OSBPL3: variants seen among roughly 807,000 people sequenced by gnomAD.
OSBPL3 encodes the protein oxysterol-binding protein-related protein 3.
In OSBPL3, 65 loss-of-function variants were observed where a neutral mutation model predicts 120.1. That is an observed-to-expected ratio of 0.54 (90% CI 0.44 to 0.67). The LOEUF (loss-of-function observed/expected upper bound fraction) is 0.67, where lower values mean the gene tolerates loss of function less well. Ranked by LOEUF, OSBPL3 falls within the 30% of genes least tolerant of loss-of-function variation. The pLI, the probability that OSBPL3 is intolerant of heterozygous loss-of-function variation, is 0.00. For missense variants in OSBPL3, 1,004 were observed against 1,082.1 expected (o/e 0.93, Z 1.01); for synonymous variants, 416 against 402.6 (o/e 1.03, Z -0.40).
At chr7:24,973,123 T>C (rs1817211887) in intron 1 of OSBPL3, among the ~76,000 whole-genome samples, 1 of 152,236 alleles carries the variant, frequency 6.6e-6, no homozygotes, top group Admixed American at 6.5e-5. Context: ...GATTCTGCTC[T>C]GCTTTACATT....
intron 2 of OSBPL3, among the ~76,000 whole-genome samples, chr7:24,887,602 A>T (rs987529813): frequency 1.3e-5 from 2 of 152,232 alleles, no homozygotes; most frequent in African/African-American, 4.8e-5. Context: ...GAGAACTGAG[A>T]CAACCTACAC....
intron 2 of OSBPL3, among the ~76,000 whole-genome samples, chr7:24,876,303 T>G (rs1282300846): frequency 1.3e-5 from 2 of 152,224 alleles, no homozygotes; most frequent in Non-Finnish European, 2.9e-5. Flanking sequence ...TAGTTTGGTT[T>G]CTACCTCCTT....
intron 1 of OSBPL3, among the ~76,000 whole-genome samples, chr7:24,976,243 C>T (rs1009273685): frequency 1.3e-5 from 2 of 152,008 alleles, no homozygotes; most frequent in Non-Finnish European, 2.9e-5. Flanking sequence ...TGACAGCACC[C>T]GGCACATACA....
chr7:24,931,118 T>C (rs1490590851), intron 1 of OSBPL3, among the ~76,000 whole-genome samples: 1 of 152,088 alleles, frequency 6.6e-6, no homozygotes, highest in East Asian at 1.9e-4. Flanking sequence ...ATTTCTAGAA[T>C]AGGTCTTTTC....
rs1006239540 is a variant in OSBPL3, at chr7:24,972,505, C to T, written c.-150+7381G>A. Among the ~76,000 whole-genome samples, 1 of 152,216 alleles carries T rather than the reference C, an allele frequency of 6.6e-6. No homozygotes were observed. Among genetic ancestry groups the T allele is most frequent in the Non-Finnish European group, 1.5e-5 (1 of 68,040 alleles). Reference sequence around the variant, plus strand: ...CTCTGCAACTCTTTAATGTCTATATCCCCTTCTAGTCTGTAAGCTCCTTGA... The same window carrying T: ...CTCTGCAACTCTTTAATGTCTATATTCCCTTCTAGTCTGTAAGCTCCTTGA... On this transcript the variant is annotated intron_variant, in intron 1 of 22. Coordinates refer to ENST00000313367, the MANE Select transcript of OSBPL3 (RefSeq NM_015550.4). This position sits in a 1 kb window ranked among gnomAD's most constrained non-coding sequence, Gnocchi z 4.3.
At position 24,966,773 on chromosome 7, in the gene OSBPL3, T is replaced by C. The variant is rs1030820774; in HGVS notation, c.-150+13113A>G. ...GTTTATAAGGTAAAAGAACTGCTAG[T>C]ACAAACACAACGCCTCTCTAAAGAG... is the stretch of plus-strand genomic sequence containing the variant. On this transcript the variant is annotated intron_variant, in intron 1 of 22. Transcript: ENST00000313367. The surrounding 1 kb of genome is among the most constrained non-coding windows in gnomAD (Gnocchi z 4.8). Among the ~76,000 whole-genome samples, 1 of 152,256 alleles carries C rather than the reference T, an allele frequency of 6.6e-6. No homozygotes were observed. The highest frequency in any genetic ancestry group is 1.5e-5 in the Non-Finnish European group (1 of 68,040).
rs760625527 is a variant in OSBPL3, at chr7:24,900,053, T to C, written c.-149-7432A>G. Among the ~76,000 whole-genome samples the C allele has an allele frequency of 6.6e-6, 1 of 152,224 alleles. No individual in the cohort carries two copies. The highest frequency in any genetic ancestry group is 2.4e-5 in the African/African-American group (1 of 41,462). Reference sequence around the variant, plus strand: ...AGGAAGCTAAAACCCTCTTTTATTATCGTAGTCCTGTGGTTTTTAAAGAGG... The same window carrying C: ...AGGAAGCTAAAACCCTCTTTTATTACCGTAGTCCTGTGGTTTTTAAAGAGG... On this transcript the variant is annotated intron_variant, in intron 1 of 22. Transcript: ENST00000313367. This position sits in a 1 kb window ranked among gnomAD's most constrained non-coding sequence, Gnocchi z 4.5.
rs1191161837 is a variant in OSBPL3, at chr7:24,804,418, A to G, written c.2464T>C (p.Leu822=). 1 of 1,613,922 alleles carries G rather than the reference A, an allele frequency of 6.2e-7. No individual in the cohort carries two copies. The highest frequency in any genetic ancestry group is 2.2e-5 in the East Asian group (1 of 44,884). ...PDQRFLEEGN[L]EEAEIQKQRI... ...TGCTTTTGTATTTCAGCTTCTTCTA[A>G]GTTCCCTTCCTCTAGAAACCTGAGG... Residue 822 remains leucine (L), a synonymous_variant, in exon 22 of 23, where the codon TTA becomes CTA. Coordinates refer to ENST00000313367, the MANE Select transcript of OSBPL3 (RefSeq NM_015550.4). This position sits in a 1 kb window ranked among gnomAD's most constrained non-coding sequence, Gnocchi z 5.4.
intron 1 of OSBPL3, among the ~76,000 whole-genome samples, chr7:24,923,557 G>T (rs1261596741): frequency 6.6e-6 from 1 of 152,110 alleles, no homozygotes; most frequent in Admixed American, 6.5e-5. Flanking sequence ...AGTATGGGAC[G>T]GCAGGGCAGA....
intron 1 of OSBPL3, among the ~76,000 whole-genome samples, chr7:24,973,877 CAT>C (rs1817292977): frequency 6.6e-6 from 1 of 152,054 alleles, no homozygotes; most frequent in African/African-American, 2.4e-5. Context: ...AAATTTCAAA[CAT>C]GTACAAAAGT....
At chr7:24,893,649 T>C (rs1805681871) in intron 1 of OSBPL3, among the ~76,000 whole-genome samples, 2 of 141,036 alleles carry the variant, frequency 1.4e-5, no homozygotes, top group African/African-American at 5.3e-5. Flanking sequence ...CTGTCTCTAC[T>C]AAAAATACAA....
intron 1 of OSBPL3, among the ~76,000 whole-genome samples, chr7:24,928,763 A>G (rs1208957410): frequency 2.0e-5 from 3 of 152,222 alleles, no homozygotes; most frequent in Non-Finnish European, 4.4e-5. Context: ...GGAATCATAC[A>G]GAATATGCTC....
Position 24,831,290 on chromosome 7 carries a change from A to G in OSBPL3, c.1747-385T>C. Among the ~76,000 whole-genome samples the G allele has an allele frequency of 6.6e-6, 1 of 152,092 alleles. No individual in the cohort carries two copies. The highest frequency in any genetic ancestry group is 1.9e-4 in the East Asian group (1 of 5,182). ...TTCAGGGGTGGAGTGGGGAAAGAGT[A>G]TTAAAAAAGGAGTGTTAAAAAATCC... On this transcript the variant is annotated intron_variant, in intron 15 of 22. Transcript: ENST00000313367. This position sits in a 1 kb window ranked among gnomAD's most constrained non-coding sequence, Gnocchi z 4.0.
intron 1 of OSBPL3, among the ~76,000 whole-genome samples, chr7:24,962,739 T>C (rs1419002949): frequency 6.6e-6 from 1 of 152,234 alleles, no homozygotes; most frequent in Non-Finnish European, 1.5e-5. Flanking sequence ...TGGCATGACT[T>C]GCCCCTAGGT....
rs763183423 is a variant in OSBPL3 at position 24,852,504 on chromosome 7, G to A, written c.1158C>T (p.Ser386=). 44 of 1,569,736 alleles carry A rather than the reference G, an allele frequency of 2.8e-5. 1 individual carries two copies. The South Asian group carries it at 4.0e-4, about 14-fold the overall frequency. The change falls in exon 11 of 23, where the codon TCC becomes TCT. Residue 386 remains serine (S), a splice_region_variant and synonymous_variant. Transcript: ENST00000313367. This position sits in a 1 kb window ranked among gnomAD's most constrained non-coding sequence, Gnocchi z 4.1. ...TCCTGGAGGCAGACATGTAACTTAC[G>A]GATGACAGGGCGTTCTTCAGACCAA... The part of the protein sequence containing the change: ...QVIGLKNALS[S]ALAQNTDLKE...
chr7:24,957,434 A>C (rs1815204452), intron 1 of OSBPL3, among the ~76,000 whole-genome samples: 1 of 152,190 alleles, frequency 6.6e-6, no homozygotes, highest in Admixed American at 6.5e-5. Flanking sequence ...ACCAAGCTTT[A>C]ATCTAGGTTG....
chr7:24,807,874 G>A (rs926981464), intron 20 of OSBPL3, among the ~76,000 whole-genome samples: 1 of 152,050 alleles, frequency 6.6e-6, no homozygotes, highest in African/African-American at 2.4e-5. Context: ...CAAGAGAAAT[G>A]CTTGCCAGTA....
intron 1 of OSBPL3, among the ~76,000 whole-genome samples, chr7:24,978,852 G>T (rs1185818771): frequency 6.6e-6 from 1 of 152,258 alleles, no homozygotes; most frequent in Non-Finnish European, 1.5e-5. Flanking sequence ...AGCTCCAAGA[G>T]TCCCGACTGA....
At chr7:24,864,344 T>TA (rs1185661874) in intron 7 of OSBPL3, among the ~76,000 whole-genome samples, 1 of 152,230 alleles carries the variant, frequency 6.6e-6, no homozygotes, top group Non-Finnish European at 1.5e-5. Context: ...GAGACCTTGT[T>TA]AAACCACAGC....
Sources: allele counts gnomAD v4.1 joint callset (sites outside exome capture counted in the v4.1 genomes callset), GRCh38; gene constraint gnomAD v4.1.1; non-coding constraint Gnocchi (gnomAD v3.1); transcripts MANE v1.5; gene names NCBI Gene and HGNC (gene_info 2026-07-23, HGNC 2026-07-21).